The following NFS1 variants were observed in gnomAD, a reference collection of about 807,000 sequenced individuals.
The protein encoded by NFS1 is NFS1 cysteine desulfurase, also known as cysteine desulfurase.
In NFS1, 26 loss-of-function variants were observed where a neutral mutation model predicts 57.3. The observed-to-expected ratio is 0.45, with a 90% CI of 0.33 to 0.63. The LOEUF (loss-of-function observed/expected upper bound fraction) is 0.63, where lower values mean the gene tolerates loss of function less well. Among genes scored for constraint, NFS1 ranks in the 20% least tolerant of loss-of-function variants. The probability of loss-of-function intolerance (pLI) is 0.02; values close to 1 mark genes in which losing one functional copy is unlikely to be tolerated. For missense variants in NFS1, 505 were observed against 605.8 expected (o/e 0.83, Z 1.75); for synonymous variants, 209 against 216.3 (o/e 0.97, Z 0.30).
intron 5 of NFS1, among the ~76,000 whole-genome samples, chr20:35,685,533 T>A (rs2034923403): frequency 7.2e-6 from 1 of 139,290 alleles, no homozygotes; most frequent in African/African-American, 2.7e-5. Context: ...TAAAAAAAAA[T>A]TATATATTAT....
At chr20:35,677,416 G>T (rs1480612518) in intron 7 of NFS1, among the ~76,000 whole-genome samples, 1 of 151,818 alleles carries the variant, frequency 6.6e-6, no homozygotes, top group Non-Finnish European at 1.5e-5. Flanking sequence ...TGCACTTATA[G>T]TCCCAGCTAC....
chr20:35,684,520 A>C (rs1345046440), intron 5 of NFS1, among the ~76,000 whole-genome samples: 2 of 151,718 alleles, frequency 1.3e-5, no homozygotes, highest in Non-Finnish European at 2.9e-5. Context: ...GAAGGCTGAA[A>C]TAGGTGGATC....
chr20:35,691,738 C>CAAAAA lies in NFS1; in HGVS notation c.409-1178_409-1174dup, dbSNP rs60402350. 6.1e-4 allele frequency among the ~76,000 whole-genome samples: 11 copies of CAAAAA among 18,156 alleles called. 1 individual carries two copies. The highest frequency in any genetic ancestry group is 1.1e-3 in the African/African-American group (8 of 7,278). The allele number at this position is 18,156 out of a possible 152,430, so 11.9% of individuals were successfully genotyped here. A position where few individuals can be genotyped will look rare whatever the true frequency, so the allele number is the denominator to read the frequency against. ...TGGGCAACAGAGCGAGACTGCATCT[C>CAAAAA]AAAAAAAAAAAAAAAAAAAAAAAAA... On this transcript the variant is annotated intron_variant, in intron 4 of 12. Coordinates refer to ENST00000374092, the MANE Select transcript of NFS1 (RefSeq NM_021100.5).
chr20:35,673,589 C>G lies in NFS1; in HGVS notation c.1220+12G>C. The G allele has an allele frequency of 6.2e-7, 1 of 1,609,990 alleles. No homozygotes were observed. The highest frequency in any genetic ancestry group is 8.5e-7 in the Non-Finnish European group (1 of 1,176,884). ...GATGCCTTTCATAAATGTTGCAGCT[C>G]AACTCACTGACCTGATAGAAGAGTG... is the stretch of plus-strand genomic sequence containing the variant. On this transcript the variant is annotated intron_variant, in intron 11 of 12. Transcript: ENST00000374092.
intron 5 of NFS1, among the ~76,000 whole-genome samples, chr20:35,684,428 A>AAAC (rs1601527192): frequency 2.1e-4 from 29 of 140,750 alleles, no homozygotes; most frequent in East Asian, 1.1e-3. Context: ...AATAAAATAA[A>AAAC]ATAAAATAAA....
In NFS1 at chr20:35,677,154, T is replaced by C. The variant is rs539178894; in HGVS notation, c.791-1952A>G. On this transcript the variant is annotated intron_variant, in intron 7 of 12. Coordinates refer to ENST00000374092, the MANE Select transcript of NFS1 (RefSeq NM_021100.5). ...TGCTGCAATTACAGGCGTGTGCCAC[T>C]GCACCTGGCTGTCTGTGCACTTTTT... Among the ~76,000 whole-genome samples the C allele has an allele frequency of 2.0e-5, 3 of 152,320 alleles. No homozygotes were observed. In the East Asian group the frequency reaches 5.8e-4, roughly 29 times the overall value.
At chr20:35,683,741 C>G (rs1327368954) in intron 5 of NFS1, among the ~76,000 whole-genome samples, 2 of 141,942 alleles carry the variant, frequency 1.4e-5, no homozygotes, top group African/African-American at 5.3e-5. Context: ...GAGATTGCAC[C>G]ACTGCACTCC....
intron 4 of NFS1, among the ~76,000 whole-genome samples, chr20:35,691,956 G>A (rs2035048460): frequency 1.3e-5 from 2 of 151,904 alleles, no homozygotes; most frequent in Non-Finnish European, 2.9e-5. Context: ...GCCGAGAAGG[G>A]AGGGTCACCT....
rs1438498274 is a variant in NFS1, at chr20:35,697,864, C to T, written c.208-64G>A. On this transcript the variant is annotated intron_variant, in intron 2 of 12. Transcript: ENST00000374092. Reference sequence around the variant, plus strand: ...CGTCAATTCAGGTCCCACTCCACCCCTCAGACCTGGCCACCCTGCCTTAAG... The same window carrying T: ...CGTCAATTCAGGTCCCACTCCACCCTTCAGACCTGGCCACCCTGCCTTAAG... The T allele has an allele frequency of 2.7e-6, 3 of 1,124,322 alleles. No individual in the cohort carries two copies. The South Asian group carries it at 4.1e-5, about 15-fold the overall frequency. 69.6% of individuals were successfully genotyped at this position (1,124,322 alleles called of 1,614,324 possible).
chr20:35,678,707 A>G (rs1474239198), intron 7 of NFS1, among the ~76,000 whole-genome samples: 1 of 151,868 alleles, frequency 6.6e-6, no homozygotes, highest in African/African-American at 2.4e-5. Flanking sequence ...TGTCTCAAAA[A>G]AAAAAATTAG....
chr20:35,682,350 A>G (rs2034861749), intron 5 of NFS1, among the ~76,000 whole-genome samples: 1 of 152,244 alleles, frequency 6.6e-6, no homozygotes, highest in Admixed American at 6.5e-5. Flanking sequence ...TATTCGTAAT[A>G]CCAAAAACCT....
In NFS1 at chr20:35,681,881, T is replaced by C. The variant is rs758044545; in HGVS notation, c.655+7A>G. 2 of 1,561,676 alleles carry C rather than the reference T, an allele frequency of 1.3e-6. No individual in the cohort carries two copies. The highest frequency in any genetic ancestry group is 2.2e-5 in the South Asian group (2 of 89,900). On this transcript the variant is annotated splice_region_variant and intron_variant, in intron 6 of 12. Transcript: ENST00000374092. ...GGCAGGGATCAGGGATAAGCCATGATACTCACCTATTTCTGCAATAGGCTG... is the reference window on the plus strand; with the variant it reads ...GGCAGGGATCAGGGATAAGCCATGACACTCACCTATTTCTGCAATAGGCTG...
chr20:35,670,673 T>G (rs867965737), intron 12 of NFS1, among the ~76,000 whole-genome samples: 1 of 152,076 alleles, frequency 6.6e-6, no homozygotes, highest in Non-Finnish European at 1.5e-5. Context: ...ATTCAGTTTG[T>G]AAAGGGTCAG....
In NFS1 at chr20:35,674,554, G is replaced by A; in HGVS notation, c.1012C>T (p.Pro338Ser). 2 of 1,614,186 alleles carry A rather than the reference G, an allele frequency of 1.2e-6. No homozygotes were observed. Among genetic ancestry groups the A allele is most frequent in the Non-Finnish European group, 1.7e-6 (2 of 1,180,030 alleles). The change falls in exon 9 of 13, where the codon CCA becomes TCA. Residue 338 changes from proline (P) to serine (S), a missense_variant. Transcript: ENST00000374092. ...GGGTCCCCATTCATCACCACATCTG[G>A]AAGGCTCTTCATTATATTCTGTATC... Reference protein sequence around the residue: ...RLIQNIMKSLPDVVMNGDPKH... With the variant: ...RLIQNIMKSLSDVVMNGDPKH...
intron 12 of NFS1, among the ~76,000 whole-genome samples, chr20:35,670,451 A>G (rs1216382324): frequency 2.0e-5 from 3 of 152,234 alleles, no homozygotes; most frequent in Admixed American, 2.0e-4. Flanking sequence ...TTTACAGTTT[A>G]GATTTCACCA....
chr20:35,697,427 G>T (rs79496906), intron 3 of NFS1, among the ~76,000 whole-genome samples: 2 of 152,004 alleles, frequency 1.3e-5, no homozygotes, highest in Admixed American at 6.6e-5. Context: ...CTACAGAGTA[G>T]AAACTACCAC....
chr20:35,683,588 G>A (rs1206915901), intron 5 of NFS1, among the ~76,000 whole-genome samples: 1 of 151,698 alleles, frequency 6.6e-6, no homozygotes, highest in Non-Finnish European at 1.5e-5. Context: ...AGACCATCCT[G>A]GCTAACATGG....
intron 3 of NFS1, 114 bp from the exon 4 acceptor site, chr20:35,696,574 T>C: frequency 1.4e-6 from 1 of 725,860 alleles, no homozygotes; most frequent in Non-Finnish European, 2.4e-6. Context: ...TCCACCAAAT[T>C]GCCCTGGATG....
At chr20:35,694,860 G>A in intron 4 of NFS1, 1 of 154,932 alleles carries the variant, frequency 6.5e-6, no homozygotes. Flanking sequence ...CTGCACTCCA[G>A]CCTGGATGAC....
Sources: gnomAD v4.1 joint callset for allele counts (sites outside exome capture counted in the v4.1 genomes callset) on GRCh38, gnomAD v4.1.1 for gene constraint, MANE v1.5 for transcripts, NCBI Gene and HGNC (gene_info 2026-07-23, HGNC 2026-07-21) for gene names.